GULP1: variants seen among roughly 807,000 people sequenced by gnomAD.
GULP1 encodes the protein GULP PTB domain containing engulfment adaptor 1, also known as PTB domain-containing engulfment adapter protein 1.
Under a neutral mutation model 40.9 loss-of-function variants are expected in GULP1, and 19 were observed. The ratio of observed to expected loss-of-function variants is 0.46; its 90% CI spans 0.32 to 0.68. GULP1 has a LOEUF of 0.68. GULP1 is among the 30% of genes least tolerant of loss of function. GULP1 has a pLI of 0.03. For missense variants in GULP1, 312 were observed against 362.2 expected (o/e 0.86, Z 1.12); for synonymous variants, 119 against 117.6 (o/e 1.01, Z -0.08).
At chr2:188,379,565 G>T (rs1485936976) in intron 1 of GULP1, among the ~76,000 whole-genome samples, 1 of 151,990 alleles carries the variant, frequency 6.6e-6, no homozygotes, top group Non-Finnish European at 1.5e-5. Context: ...TCCCTTTCAT[G>T]TCTCTTCAGA....
intron 1 of GULP1, among the ~76,000 whole-genome samples, chr2:188,383,114 G>T (rs2049217669): frequency 6.6e-6 from 1 of 152,016 alleles, no homozygotes; most frequent in South Asian, 2.1e-4. Context: ...GTGAATTCTG[G>T]TACTATTTGA....
Position 188,496,099 on chromosome 2 carries a change from T to C in GULP1, c.90+12607T>C, listed in dbSNP as rs993945796. On this transcript the variant is annotated intron_variant, in intron 4 of 11. Coordinates refer to ENST00000409830, the MANE Select transcript of GULP1 (RefSeq NM_016315.4). ...CTAATGATGATAAGCATGGCAGCAATGGCTAATTGCTTCCTAGGAGATTTA... is the reference window on the plus strand; with the variant it reads ...CTAATGATGATAAGCATGGCAGCAACGGCTAATTGCTTCCTAGGAGATTTA... Among the ~76,000 whole-genome samples the C allele has an allele frequency of 2.0e-5, 3 of 152,024 alleles. No homozygotes were observed. In the South Asian group the frequency reaches 6.2e-4, roughly 32 times the overall value.
chr2:188,521,370 A>T (rs1354834805), intron 4 of GULP1, among the ~76,000 whole-genome samples: 5 of 152,144 alleles, frequency 3.3e-5, no homozygotes, highest in African/African-American at 1.2e-4. Flanking sequence ...GTCAGGTTTT[A>T]CTTAAACACA....
chr2:188,529,725 G>T (rs1333598378), intron 6 of GULP1, among the ~76,000 whole-genome samples: 1 of 152,042 alleles, frequency 6.6e-6, no homozygotes, highest in Non-Finnish European at 1.5e-5. Flanking sequence ...CTTTCTCCTT[G>T]GCTTACAGAG....
intron 9 of GULP1, among the ~76,000 whole-genome samples, chr2:188,580,254 T>C (rs948874252): frequency 6.6e-6 from 1 of 152,174 alleles, no homozygotes; most frequent in African/African-American, 2.4e-5. Flanking sequence ...GATGGAGGTG[T>C]ATTACAATGG....
At chr2:188,343,231 G>A (rs113812562) in intron 1 of GULP1, among the ~76,000 whole-genome samples, 43 of 152,202 alleles carry the variant, frequency 2.8e-4, no homozygotes, top group African/African-American at 9.9e-4. Flanking sequence ...ATTCTTAATA[G>A]CCTTGGAGAG....
chr2:188,570,933 A>C (rs566253031), intron 9 of GULP1, among the ~76,000 whole-genome samples: 89 of 152,210 alleles, frequency 5.8e-4, no homozygotes, highest in Admixed American at 3.6e-3. Context: ...CAAGGCAGGC[A>C]GATCATTTGA....
chr2:188,393,175 C>A (rs536410895), intron 2 of GULP1, among the ~76,000 whole-genome samples: 1 of 151,514 alleles, frequency 6.6e-6, no homozygotes, highest in Non-Finnish European at 1.5e-5. Flanking sequence ...GTCAGTGCCA[C>A]GTTGAAGTCC....
chr2:188,412,461 A>G (rs2054025503), intron 2 of GULP1, among the ~76,000 whole-genome samples: 1 of 152,098 alleles, frequency 6.6e-6, no homozygotes, highest in African/African-American at 2.4e-5. Flanking sequence ...AGCCCAAAGT[A>G]GCTGGTGGCA....
At chr2:188,465,695 T>C (rs2060052871) in intron 2 of GULP1, among the ~76,000 whole-genome samples, 1 of 152,030 alleles carries the variant, frequency 6.6e-6, no homozygotes, top group Admixed American at 6.6e-5. Context: ...GTCACCTGAG[T>C]TTGGCCTGGT....
intron 4 of GULP1, chr2:188,491,470 A>AT (rs2062385982): frequency 6.6e-6 from 1 of 151,994 alleles, no homozygotes; most frequent in Admixed American, 6.6e-5. Flanking sequence ...AGAGGAAAGG[A>AT]TTGTTAAGAG....
chr2:188,350,544 T>C (rs990732629), intron 1 of GULP1, among the ~76,000 whole-genome samples: 4 of 152,072 alleles, frequency 2.6e-5, no homozygotes, highest in Non-Finnish European at 4.4e-5. Context: ...TTTACTGAAC[T>C]CGTTTATTAG....
chr2:188,325,676 C>T (rs1023609051), intron 1 of GULP1, among the ~76,000 whole-genome samples: 1 of 151,996 alleles, frequency 6.6e-6, no homozygotes, highest in South Asian at 2.1e-4. Context: ...TATCCTATCT[C>T]CCTTTGAGGT....
chr2:188,508,027 T>G (rs1484115237), intron 4 of GULP1, among the ~76,000 whole-genome samples: 1 of 152,004 alleles, frequency 6.6e-6, no homozygotes, highest in Non-Finnish European at 1.5e-5. Context: ...TAAATTTTTA[T>G]AACAGTTCCA....
rs561219244 is a variant in GULP1, at chr2:188,378,735, C to G, written c.-171-5028C>G. Among the ~76,000 whole-genome samples the G allele has an allele frequency of 3.6e-4, 55 of 152,232 alleles. 1 individual carries two copies. Among genetic ancestry groups the G allele is most frequent in the African/African-American group, 1.3e-3 (52 of 41,528 alleles). ...AGAGCAAGAACTCACTCATTACCACCAGGATGGCACCAAGCCATTCATGAG... is the reference window on the plus strand; with the variant it reads ...AGAGCAAGAACTCACTCATTACCACGAGGATGGCACCAAGCCATTCATGAG... On this transcript the variant is annotated intron_variant, in intron 1 of 11. Coordinates refer to ENST00000409830, the MANE Select transcript of GULP1 (RefSeq NM_016315.4).
chr2:188,543,970 C>A (rs1312843904), intron 7 of GULP1, among the ~76,000 whole-genome samples: 1 of 151,984 alleles, frequency 6.6e-6, no homozygotes, highest in Admixed American at 6.6e-5. Flanking sequence ...ATTAATAGTC[C>A]TCCTTCTTCC....
intron 9 of GULP1, among the ~76,000 whole-genome samples, chr2:188,576,249 GA>G (rs145503643): frequency 9.6e-5 from 14 of 146,060 alleles, no homozygotes; most frequent in Middle Eastern, 3.5e-3. Flanking sequence ...GTGCTTGAGT[GA>G]AAAAAAAAAG....
intron 1 of GULP1, among the ~76,000 whole-genome samples, chr2:188,330,350 A>T (rs935009490): frequency 1.3e-5 from 2 of 152,208 alleles, no homozygotes; most frequent in African/African-American, 2.4e-5. Flanking sequence ...AGTATGTATA[A>T]CACAAGAACT....
At chr2:188,370,867 ATG>A (rs767786040) in intron 1 of GULP1, among the ~76,000 whole-genome samples, 2 of 151,602 alleles carry the variant, frequency 1.3e-5, no homozygotes, top group African/African-American at 2.4e-5. Flanking sequence ...GCATGTGTGT[ATG>A]TGTGTGTGTG....
Sources: gnomAD v4.1 joint callset for allele counts (sites outside exome capture counted in the v4.1 genomes callset) on GRCh38, gnomAD v4.1.1 for gene constraint, MANE v1.5 for transcripts, NCBI Gene and HGNC (gene_info 2026-07-23, HGNC 2026-07-21) for gene names.